The following CCDC148 variants were observed in gnomAD, a reference collection of about 807,000 sequenced individuals.
CCDC148 encodes the protein coiled-coil domain-containing protein 148.
CCDC148 carries 89 observed loss-of-function variants against 85.7 expected under a neutral mutation model. That is an observed-to-expected ratio of 1.04 (90% CI 0.87 to 1.24). The LOEUF (loss-of-function observed/expected upper bound fraction) is 1.24. CCDC148 is among the 50% of genes most tolerant of loss of function. The pLI, the probability that CCDC148 is intolerant of heterozygous loss-of-function variation, is 0.00. For synonymous variants in CCDC148, 230 were observed against 213.9 expected, an observed-to-expected ratio of 1.08 and a Z score of -0.66; for missense variants, 692 against 671.7, an observed-to-expected ratio of 1.03 and a Z score of -0.33.
chr2:158,347,255 A>G (rs1683038743), intron 2 of CCDC148, among the ~76,000 whole-genome samples: 1 of 152,118 alleles, frequency 6.6e-6, no homozygotes, highest in South Asian at 2.1e-4. Flanking sequence ...TTGGTGAAAG[A>G]CGGGGACACA....
chr2:158,210,399 A>G (rs1394159754), intron 11 of CCDC148, among the ~76,000 whole-genome samples: 3 of 152,090 alleles, frequency 2.0e-5, no homozygotes, highest in Non-Finnish European at 4.4e-5. Flanking sequence ...ATTAGACAGA[A>G]CAATGAGACA....
At chr2:158,364,216 G>A (rs770706254) in intron 1 of CCDC148, among the ~76,000 whole-genome samples, 4 of 152,178 alleles carry the variant, frequency 2.6e-5, no homozygotes, top group South Asian at 2.1e-4. Flanking sequence ...AATGAATATC[G>A]TGAAAATGGC....
chr2:158,211,816 T>C (rs1408974617), intron 11 of CCDC148, among the ~76,000 whole-genome samples: 2 of 152,224 alleles, frequency 1.3e-5, no homozygotes, highest in Non-Finnish European at 2.9e-5. Flanking sequence ...GGCATAAGCT[T>C]GCTTGTTCAT....
intron 9 of CCDC148, among the ~76,000 whole-genome samples, chr2:158,272,622 T>A (rs1459773552): frequency 6.6e-6 from 1 of 152,168 alleles, no homozygotes; most frequent in Non-Finnish European, 1.5e-5. Context: ...GGATGCACAG[T>A]GCTGTGCCGA....
chr2:158,448,027 T>G (rs1199422823), intron 1 of CCDC148, among the ~76,000 whole-genome samples: 2 of 152,148 alleles, frequency 1.3e-5, no homozygotes, highest in African/African-American at 4.8e-5. Context: ...CAGGTAGGTC[T>G]GTGATATATA....
chr2:158,384,108 TC>T (rs1475293363), intron 1 of CCDC148, among the ~76,000 whole-genome samples: 1 of 152,190 alleles, frequency 6.6e-6, no homozygotes, highest in Admixed American at 6.5e-5. Context: ...GATGTGCTCT[TC>T]TCATTGCATT....
rs1428049711 is a variant in CCDC148 at position 158,423,977 on chromosome 2, CACTGGCCATCATAGA to C, written c.25+32423_25+32437del. Among the ~76,000 whole-genome samples, 3 of 152,332 alleles carry C rather than the reference CACTGGCCATCATAGA, an allele frequency of 2.0e-5. No homozygotes were observed. In the East Asian group the frequency reaches 5.8e-4, roughly 29 times the overall value. ...CAGACCATGAAAAAATGCTCATCATCACTGGCCATCATAGAAATGCAAATCAAAACCACAATGAGA... is the reference window on the plus strand; with the variant it reads ...CAGACCATGAAAAAATGCTCATCATCAATGCAAATCAAAACCACAATGAGA... On this transcript the variant is annotated intron_variant, in intron 1 of 13. Coordinates refer to ENST00000283233, the MANE Select transcript of CCDC148 (RefSeq NM_138803.4).
intron 9 of CCDC148, among the ~76,000 whole-genome samples, chr2:158,265,987 G>A (rs965514097): frequency 2.6e-5 from 4 of 152,058 alleles, no homozygotes; most frequent in Admixed American, 1.3e-4. Context: ...CCCCTACTAA[G>A]TTCAGTTAAG....
In CCDC148 at chr2:158,340,785, T is replaced by A. The variant is rs112389708; in HGVS notation, c.252-105A>T. On this transcript the variant is annotated intron_variant, in intron 3 of 13. Transcript: ENST00000283233. ...TAGTCTAATATGGCTTTGTCATCTGTTCATTTAAACCATGTACTAAATTCC... is the reference window on the plus strand; with the variant it reads ...TAGTCTAATATGGCTTTGTCATCTGATCATTTAAACCATGTACTAAATTCC... 4 of 687,778 alleles carry A rather than the reference T, an allele frequency of 5.8e-6. 1 individual carries two copies. In the South Asian group the frequency reaches 6.3e-5, roughly 11 times the overall value. The allele number at this position is 687,778 out of a possible 1,614,324, so 42.6% of individuals were successfully genotyped here. A position where few individuals can be genotyped will look rare whatever the true frequency, so the allele number is the denominator to read the frequency against.
chr2:158,330,233 G>T, intron 7 of CCDC148, among the ~76,000 whole-genome samples: 1 of 152,100 alleles, frequency 6.6e-6, no homozygotes, highest in Non-Finnish European at 1.5e-5. Context: ...CTTGAATTTT[G>T]TCAAAGGCCT....
chr2:158,405,172 G>A (rs1182126000), intron 1 of CCDC148, among the ~76,000 whole-genome samples: 1 of 152,144 alleles, frequency 6.6e-6, no homozygotes. Context: ...AGGAGGAACA[G>A]GGGAACAGGG....
At chr2:158,448,789 A>G (rs1452035355) in intron 1 of CCDC148, among the ~76,000 whole-genome samples, 1 of 151,800 alleles carries the variant, frequency 6.6e-6, no homozygotes, top group Non-Finnish European at 1.5e-5. Flanking sequence ...TTCTCATGTT[A>G]TTATAAGTGG....
intron 7 of CCDC148, among the ~76,000 whole-genome samples, chr2:158,333,556 A>C (rs1368962776): frequency 1.3e-5 from 2 of 152,094 alleles, no homozygotes; most frequent in Non-Finnish European, 2.9e-5. Context: ...AGCTGTGTTC[A>C]TTTCCTGGAT....
intron 1 of CCDC148, among the ~76,000 whole-genome samples, chr2:158,413,622 G>T (rs1316194099): frequency 1.3e-5 from 2 of 150,840 alleles, no homozygotes; most frequent in Non-Finnish European, 3.0e-5. Flanking sequence ...TTCTTTTGAG[G>T]AAACTAAATC....
chr2:158,423,365 A>G (rs1686902040), intron 1 of CCDC148, among the ~76,000 whole-genome samples: 1 of 152,210 alleles, frequency 6.6e-6, no homozygotes, highest in African/African-American at 2.4e-5. Flanking sequence ...ACAGCAGGGT[A>G]CTGGTACTAA....
intron 9 of CCDC148, among the ~76,000 whole-genome samples, chr2:158,285,077 C>G (rs1574547450): frequency 6.6e-6 from 1 of 152,064 alleles, no homozygotes; most frequent in Non-Finnish European, 1.5e-5. Flanking sequence ...CACCTGAGGT[C>G]AGGAGTTCAA....
intron 7 of CCDC148, among the ~76,000 whole-genome samples, chr2:158,326,177 C>T (rs2105225946): frequency 6.6e-6 from 1 of 152,274 alleles, no homozygotes; most frequent in Admixed American, 6.5e-5. Context: ...CCACACTGGC[C>T]TCTTGCCAGG....
At chr2:158,428,534 G>A (rs1687179410) in intron 1 of CCDC148, among the ~76,000 whole-genome samples, 1 of 151,804 alleles carries the variant, frequency 6.6e-6, no homozygotes, top group African/African-American at 2.4e-5. Context: ...GGAGGGTTTA[G>A]AGCATGTAAG....
intron 11 of CCDC148, among the ~76,000 whole-genome samples, chr2:158,195,337 T>G (rs1685619103): frequency 1.3e-5 from 2 of 152,030 alleles, no homozygotes; most frequent in African/African-American, 4.8e-5. Flanking sequence ...TGAAGGCATA[T>G]CCAACATCTG....
Sources: allele counts gnomAD v4.1 joint callset (sites outside exome capture counted in the v4.1 genomes callset), GRCh38; gene constraint gnomAD v4.1.1; transcripts MANE v1.5; gene names NCBI Gene and HGNC (gene_info 2026-07-23, HGNC 2026-07-21).